Variants in MATN2 observed in about 807,000 individuals in gnomAD.
MATN2 encodes the protein matrilin 2.
A neutral mutation model predicts 103.2 loss-of-function variants in MATN2; 69 were observed. The ratio of observed to expected loss-of-function variants is 0.67; its 90% CI spans 0.55 to 0.82. MATN2 has a LOEUF of 0.82. MATN2 is among the 40% of genes least tolerant of loss of function. The pLI is 0.00. For synonymous variants in MATN2, 429 were observed against 450.2 expected (o/e 0.95, Z 0.60); for missense variants, 1,023 against 1,211.5 (o/e 0.84, Z 2.31).
At chr8:97,998,070 TCA>T (rs1370114487) in intron 7 of MATN2, among the ~76,000 whole-genome samples, 3 of 151,016 alleles carry the variant, frequency 2.0e-5, no homozygotes, top group African/African-American at 7.3e-5. Flanking sequence ...TTCTCCCTCC[TCA>T]GTCTCCCAAA....
chr8:97,879,001 TAA>T (rs1432967767), intron 1 of MATN2, among the ~76,000 whole-genome samples: 1 of 152,228 alleles, frequency 6.6e-6, no homozygotes, highest in African/African-American at 2.4e-5. Context: ...AATATTTTGT[TAA>T]TTAATGAAAG....
At chr8:97,887,950 G>T (rs1351686255) in intron 1 of MATN2, 125 bp from the exon 2 acceptor site, 2 of 847,968 alleles carry the variant, frequency 2.4e-6, no homozygotes, top group African/African-American at 3.5e-5. Context: ...ACACACAAAC[G>T]GCATTTTGAG....
intron 4 of MATN2, chr8:97,951,855 G>T (rs1810964862): frequency 6.6e-6 from 1 of 152,080 alleles, no homozygotes; most frequent in Admixed American, 6.6e-5. Context: ...CCAAAATCTT[G>T]TTAGTGAACA....
At chr8:97,971,258 C>A (rs1811646076) in intron 5 of MATN2, among the ~76,000 whole-genome samples, 1 of 152,142 alleles carries the variant, frequency 6.6e-6, no homozygotes. Flanking sequence ...TATGTTTATT[C>A]AAAATAAACC....
intron 2 of MATN2, among the ~76,000 whole-genome samples, chr8:97,899,309 C>T (rs1818910811): frequency 6.6e-6 from 1 of 152,150 alleles, no homozygotes; most frequent in Non-Finnish European, 1.5e-5. Context: ...AGCAGGTATT[C>T]CATAAATGCC....
chr8:98,033,162 C>T lies in MATN2; in HGVS notation c.2702C>T (p.Ser901Leu). 1 of 1,604,182 alleles carries T rather than the reference C, an allele frequency of 6.2e-7. No homozygotes were observed. The highest frequency in any genetic ancestry group is 1.7e-4 in the Middle Eastern group (1 of 6,028). The change falls in exon 17 of 19, where the codon TCA (serine) becomes TTA (leucine). Residue 901 changes from serine (S) to leucine (L), a missense_variant. By Grantham distance (145) the Ser-to-Leu change is moderately radical. Transcript: ENST00000254898. ...LLRSTQKLSH[S>L]TKPSGSPLEE... ...CGGTCTACACAAAAGCTTTCCCATT[C>T]AACAAAACCTTCAGGTAATTCCAAG...
intron 1 of MATN2, among the ~76,000 whole-genome samples, chr8:97,873,297 G>A (rs1181739337): frequency 3.3e-5 from 5 of 151,802 alleles, no homozygotes; most frequent in Non-Finnish European, 7.4e-5. Flanking sequence ...TTCTGTTTAG[G>A]GCTTCTCCCT....
chr8:97,900,942 C>T (rs1048663586), intron 2 of MATN2, among the ~76,000 whole-genome samples: 1 of 151,814 alleles, frequency 6.6e-6, no homozygotes, highest in Admixed American at 6.6e-5. Context: ...CCCCGCCCCC[C>T]CAAAAAAAGA....
Position 98,035,689 on chromosome 8 carries a change from G to GA in MATN2, c.2852dup (p.Asn951LysfsTer42), listed in dbSNP as rs779177178. On this transcript the variant is annotated frameshift_variant, in exon 19 of 19. Transcript: ENST00000254898. LOFTEE classifies it high-confidence loss of function. ...AATGACACAGAGAATGGAAGCCCTGGAAAATCGCCTGAGATACAGATGAAG... is the reference window on the plus strand; with the variant it reads ...AATGACACAGAGAATGGAAGCCCTGGAAAAATCGCCTGAGATACAGATGAAG... 7.1e-5 allele frequency: 113 copies of GA among 1,599,282 alleles called. No individual in the cohort carries two copies. The highest frequency in any genetic ancestry group is 1.1e-5 in the Non-Finnish European group (13 of 1,170,784).
chr8:97,986,990 G>A (rs7461697), intron 6 of MATN2, among the ~76,000 whole-genome samples: 3 of 148,698 alleles, frequency 2.0e-5, no homozygotes, highest in Middle Eastern at 3.2e-3. Context: ...CCGCCACCAC[G>A]CCCAGCTAAT....
chr8:97,971,538 G>GAATTTAT (rs1183329250), intron 5 of MATN2, among the ~76,000 whole-genome samples: 13 of 152,248 alleles, frequency 8.5e-5, no homozygotes, highest in Non-Finnish European at 1.5e-5. Context: ...TGGAGTCCCT[G>GAATTTAT]AATTTATAAT....
intron 2 of MATN2, among the ~76,000 whole-genome samples, chr8:97,891,924 A>G (rs968833267): frequency 6.6e-6 from 1 of 151,928 alleles, no homozygotes; most frequent in Non-Finnish European, 1.5e-5. Flanking sequence ...CAACATAGGG[A>G]TACCTTGTCT....
At chr8:97,901,664 T>C (rs1586394108) in intron 2 of MATN2, among the ~76,000 whole-genome samples, 1 of 152,242 alleles carries the variant, frequency 6.6e-6, no homozygotes, top group Non-Finnish European at 1.5e-5. Context: ...GTGCCAAGGA[T>C]ACTGCAGGGT....
chr8:97,914,458 C>T (rs929857854), intron 2 of MATN2, among the ~76,000 whole-genome samples: 1 of 149,870 alleles, frequency 6.7e-6, no homozygotes, highest in Non-Finnish European at 1.5e-5. Flanking sequence ...GCATCCTCAC[C>T]CTCCAGGGCT....
At chr8:97,967,082 A>G (rs1407860890) in intron 5 of MATN2, among the ~76,000 whole-genome samples, 2 of 152,108 alleles carry the variant, frequency 1.3e-5, no homozygotes, top group African/African-American at 4.8e-5. Context: ...CTCTTTTCAG[A>G]CCAACCAAAT....
At chr8:98,019,322 TAGGGCA>T (rs1813495182) in intron 12 of MATN2, among the ~76,000 whole-genome samples, 1 of 152,102 alleles carries the variant, frequency 6.6e-6, no homozygotes, top group Non-Finnish European at 1.5e-5. Flanking sequence ...TCTAAATCTG[TAGGGCA>T]GCCTGGAGAC....
At chr8:97,886,765 C>T (rs1818444587) in intron 1 of MATN2, among the ~76,000 whole-genome samples, 1 of 152,090 alleles carries the variant, frequency 6.6e-6, no homozygotes, top group Admixed American at 6.6e-5. Flanking sequence ...CCTGCCCCAC[C>T]CCTGCCCTGT....
intron 13 of MATN2, among the ~76,000 whole-genome samples, chr8:98,026,200 A>AAG (rs1422680581): frequency 1.6e-4 from 23 of 148,318 alleles, no homozygotes; most frequent in African/African-American, 5.4e-4. Context: ...AAAAAAAAAA[A>AAG]TGCCTGAAAA....
chr8:98,004,051 C>T (rs1812875543), intron 8 of MATN2: 1 of 359,070 alleles, frequency 2.8e-6, no homozygotes, highest in Non-Finnish European at 5.4e-6. Context: ...CACAGGGAGG[C>T]CAAGGCGGGC....
Sources: gnomAD v4.1 joint callset for allele counts (sites outside exome capture counted in the v4.1 genomes callset) on GRCh38, gnomAD v4.1.1 for gene constraint, MANE v1.5 for transcripts, NCBI Gene and HGNC (gene_info 2026-07-23, HGNC 2026-07-21) for gene names.